ACSL6: variants seen among roughly 807,000 people sequenced by gnomAD.
ACSL6 encodes long-chain-fatty-acid--CoA ligase 6.
ACSL6 carries 47 observed loss-of-function variants against 98.2 expected under a neutral mutation model. The observed-to-expected ratio is 0.48, with a 90% CI of 0.38 to 0.61. The LOEUF (loss-of-function observed/expected upper bound fraction) is 0.61, where lower values mean the gene tolerates loss of function less well. Among genes scored for constraint, ACSL6 ranks in the 20% least tolerant of loss-of-function variants. The pLI, the probability that ACSL6 is intolerant of heterozygous loss-of-function variation, is 0.00. For missense variants in ACSL6, 761 were observed against 913.4 expected (o/e 0.83, Z 2.15); for synonymous variants, 362 against 336.9 (o/e 1.07, Z -0.82).
intron 10 of ACSL6, chr5:131,975,201 C>A (rs1753552959): frequency 3.6e-6 from 5 of 1,393,248 alleles, no homozygotes; most frequent in African/African-American, 1.4e-5. Context: ...AGAGACAGGG[C>A]AGCATAGGAA....
chr5:132,000,079 C>G (rs1755003058), intron 1 of ACSL6, among the ~76,000 whole-genome samples: 1 of 152,042 alleles, frequency 6.6e-6, no homozygotes, highest in Admixed American at 6.6e-5. Flanking sequence ...CTGAGGGCGA[C>G]TGTACCATCT....
At chr5:131,956,976 T>C (rs1225406217) in intron 20 of ACSL6, among the ~76,000 whole-genome samples, 1 of 152,304 alleles carries the variant, frequency 6.6e-6, no homozygotes, top group Non-Finnish European at 1.5e-5. Context: ...TTAAAAATAA[T>C]TCAGAAATAC....
In ACSL6 at chr5:131,967,542, G is replaced by A. The variant is rs1753078417; in HGVS notation, c.1596+398C>T. 2.0e-5 allele frequency among the ~76,000 whole-genome samples: 3 copies of A among 152,126 alleles called. No homozygotes were observed. The South Asian group carries it at 6.2e-4, about 32-fold the overall frequency. On this transcript the variant is annotated intron_variant, in intron 16 of 20. Coordinates refer to ENST00000651883, the MANE Select transcript of ACSL6 (RefSeq NM_001009185.3). ...TAGCCAGGTGTGGTGGCGGGCACCT[G>A]TAGTCCCAGCTACTTGGGAGGCTGA...
intron 20 of ACSL6, among the ~76,000 whole-genome samples, chr5:131,957,787 G>T (rs1202020076): frequency 6.6e-6 from 1 of 152,224 alleles, no homozygotes; most frequent in Admixed American, 6.5e-5. Context: ...ACAACTGAGA[G>T]CACACCCTCC....
chr5:131,994,403 C>A, intron 1 of ACSL6, 152 bp from the exon 2 acceptor site: 1 of 648,570 alleles, frequency 1.5e-6, no homozygotes, highest in Non-Finnish European at 2.6e-6. Flanking sequence ...AAGCTGGCTA[C>A]CTAGAAGGGC....
intron 12 of ACSL6, 76 bp from the exon 13 acceptor site, chr5:131,972,934 C>A: frequency 6.3e-7 from 1 of 1,595,238 alleles, no homozygotes; most frequent in South Asian, 1.1e-5. Context: ...GGAATAAGGC[C>A]CAGACTGGCC....
intron 13 of ACSL6, among the ~76,000 whole-genome samples, chr5:131,972,059 A>G (rs995598419): frequency 1.5e-4 from 23 of 152,338 alleles, no homozygotes; most frequent in Admixed American, 3.9e-4. Context: ...TCATGTATAA[A>G]TCAATACCAT....
At chr5:131,964,849 G>A (rs1011626099) in intron 17 of ACSL6, among the ~76,000 whole-genome samples, 4 of 152,026 alleles carry the variant, frequency 2.6e-5, no homozygotes, top group Non-Finnish European at 4.4e-5. Context: ...TTACTATCAC[G>A]CCCTGATTGT....
At chr5:131,981,828 A>C (rs1045448865) in intron 9 of ACSL6, 2 of 152,184 alleles carry the variant, frequency 1.3e-5, no homozygotes, top group Non-Finnish European at 2.9e-5. Flanking sequence ...CCACAGCACC[A>C]GCTCCTCCAC....
chr5:131,989,383 A>C, intron 5 of ACSL6, 24 bp downstream of exon 5: 1 of 1,610,504 alleles, frequency 6.2e-7, no homozygotes, highest in Non-Finnish European at 8.5e-7. Context: ...AATCCCTCTA[A>C]AACCAGTCAA....
chr5:131,988,693 T>C, intron 6 of ACSL6, 112 bp downstream of exon 6: 2 of 1,579,470 alleles, frequency 1.3e-6, no homozygotes, highest in Non-Finnish European at 1.7e-6. Context: ...TAGTATTTTC[T>C]GAGAGCAAAG....
chr5:131,968,041 A>G lies in ACSL6; in HGVS notation c.1508-13T>C, dbSNP rs760189717. The G allele has an allele frequency of 6.2e-7, 1 of 1,611,386 alleles. No individual in the cohort carries two copies. The highest frequency in any genetic ancestry group is 2.2e-5 in the East Asian group (1 of 44,822). On this transcript the variant is annotated splice_polypyrimidine_tract_variant and intron_variant, in intron 15 of 20. Transcript: ENST00000651883. ...GCCCCTACGTGCCCTGGAACACCGG[A>G]GCAAGATGGCATTTGTTAGTGTTCA...
intron 1 of ACSL6, among the ~76,000 whole-genome samples, chr5:131,995,488 C>T (rs1049255255): frequency 2.6e-5 from 4 of 152,164 alleles, no homozygotes; most frequent in Non-Finnish European, 4.4e-5. Flanking sequence ...CAAGGCTGCC[C>T]TGTACCACCC....
intron 1 of ACSL6, among the ~76,000 whole-genome samples, chr5:132,000,012 G>T (rs1754996236): frequency 6.6e-6 from 1 of 151,960 alleles, no homozygotes. Flanking sequence ...TGTGTAGGGG[G>T]TGGGGGGTGA....
rs1189327240 is a variant in ACSL6, at chr5:131,986,854, C to T, written c.832G>A (p.Asp278Asn). Residue 278 changes from aspartate (D) to asparagine (N), a missense_variant and splice_region_variant, in exon 8 of 21, where the codon GAC becomes AAC. Coordinates refer to ENST00000651883, the MANE Select transcript of ACSL6 (RefSeq NM_001009185.3). ...GCCTGGTGATTCTCTTGGCCACAGTCCTGAAAGAAGAAAATGCTGTTTTTA... is the reference window on the plus strand; with the variant it reads ...GCCTGGTGATTCTCTTGGCCACAGTTCTGAAAGAAGAAAATGCTGTTTTTA... ...VVIKSMQAVE[D>N]CGQENHQAPV... The T allele has an allele frequency of 6.2e-7, 1 of 1,614,030 alleles. No individual in the cohort carries two copies. The highest frequency in any genetic ancestry group is 8.5e-7 in the Non-Finnish European group (1 of 1,180,040).
intron 1 of ACSL6, among the ~76,000 whole-genome samples, chr5:131,997,448 T>C (rs1403309113): frequency 6.6e-6 from 1 of 152,134 alleles, no homozygotes; most frequent in Non-Finnish European, 1.5e-5. Context: ...CATCCTTTCC[T>C]TCGCATTGGC....
chr5:131,985,876 G>A (rs1754150941), intron 8 of ACSL6, among the ~76,000 whole-genome samples: 1 of 152,210 alleles, frequency 6.6e-6, no homozygotes, highest in Admixed American at 6.5e-5. Flanking sequence ...GGTTAAGCTT[G>A]GGAGCACGTG....
At chr5:132,003,184 C>G (rs1425480641) in intron 1 of ACSL6, among the ~76,000 whole-genome samples, 2 of 152,234 alleles carry the variant, frequency 1.3e-5, no homozygotes, top group African/African-American at 4.8e-5. Context: ...GACAAAATTC[C>G]TCTTCTGAAT....
intron 1 of ACSL6, among the ~76,000 whole-genome samples, chr5:132,005,328 T>G (rs1296382170): frequency 6.6e-6 from 1 of 152,116 alleles, no homozygotes; most frequent in Non-Finnish European, 1.5e-5. Context: ...CAGGGCAGAG[T>G]GGCCAGAGCT....
Sources: allele counts gnomAD v4.1 joint callset (sites outside exome capture counted in the v4.1 genomes callset), GRCh38; gene constraint gnomAD v4.1.1; transcripts MANE v1.5; gene names NCBI Gene and HGNC (gene_info 2026-07-23, HGNC 2026-07-21).